MYO1F: variants seen among roughly 807,000 people sequenced by gnomAD.
The protein encoded by MYO1F is myosin IF.
Under a neutral mutation model 146.6 loss-of-function variants are expected in MYO1F, and 60 were observed. The ratio of observed to expected loss-of-function variants is 0.41; its 90% CI spans 0.33 to 0.51. MYO1F has a LOEUF of 0.51. Among genes scored for constraint, MYO1F ranks in the 20% least tolerant of loss-of-function variants. The pLI, the probability that MYO1F is intolerant of heterozygous loss-of-function variation, is 0.25. For synonymous variants in MYO1F, 602 were observed against 602.1 expected (o/e 1.00, Z 0.00); for missense variants, 1,274 against 1,534.3 (o/e 0.83, Z 2.83).
intron 19 of MYO1F, among the ~76,000 whole-genome samples, chr19:8,531,920 C>G (rs570258375): frequency 6.6e-6 from 1 of 152,096 alleles, no homozygotes; most frequent in Non-Finnish European, 1.5e-5. Context: ...GAGTTTGAGA[C>G]CAGCCTGGCC....
At chr19:8,559,170 G>A (rs966161038) in intron 1 of MYO1F, among the ~76,000 whole-genome samples, 16 of 151,710 alleles carry the variant, frequency 1.1e-4, no homozygotes, top group Admixed American at 9.2e-4. Context: ...ATGAGCCACC[G>A]CTCCCAGCCC....
rs576829763 is a variant in MYO1F, at chr19:8,548,465, C to G, written c.1102-148G>C. On this transcript the variant is annotated intron_variant, in intron 10 of 27. Transcript: ENST00000644032. ...TCCAGCCCTCTTTAGCTCTGCCCTT[C>G]CTGGCTCTGTGTACAGTCTCCCCAC... 1.2e-5 allele frequency: 9 copies of G among 738,748 alleles called. No individual in the cohort carries two copies. In the African/African-American group the frequency reaches 1.4e-4, roughly 11 times the overall value. 45.8% of individuals were successfully genotyped at this position (738,748 alleles called of 1,614,324 possible).
rs1355534096 is a variant in MYO1F at position 8,559,913 on chromosome 19, G to A, written c.4-4117C>T. On this transcript the variant is annotated intron_variant, in intron 1 of 27. Coordinates refer to ENST00000644032, the MANE Select transcript of MYO1F (RefSeq NM_012335.4). Reference sequence around the variant, plus strand: ...TGCGGTGAGCCCAGATTGTGCCATTGCACTCCAGCCTGGGCAACAAGAGCA... The same window carrying A: ...TGCGGTGAGCCCAGATTGTGCCATTACACTCCAGCCTGGGCAACAAGAGCA... Among the ~76,000 whole-genome samples the A allele has an allele frequency of 7.0e-5, 10 of 143,490 alleles. No homozygotes were observed. In the Admixed American group the frequency reaches 7.4e-4, roughly 11 times the overall value. 94.1% of individuals were successfully genotyped at this position (143,490 alleles called of 152,430 possible). A position where few individuals can be genotyped will look rare whatever the true frequency, so the allele number is the denominator to read the frequency against.
intron 1 of MYO1F, among the ~76,000 whole-genome samples, chr19:8,556,401 G>A (rs942969206): frequency 2.6e-5 from 4 of 151,330 alleles, no homozygotes; most frequent in Non-Finnish European, 5.9e-5. Flanking sequence ...CAGCACTTCG[G>A]GAGGTTGAGG....
chr19:8,545,506 G>A, intron 13 of MYO1F, 144 bp downstream of exon 13: 2 of 756,860 alleles, frequency 2.6e-6, no homozygotes, highest in South Asian at 1.4e-5. Context: ...GGACATTTTG[G>A]TTGTTATCTG....
chr19:8,567,796 C>T (rs1296962738), intron 1 of MYO1F, among the ~76,000 whole-genome samples: 2 of 152,198 alleles, frequency 1.3e-5, no homozygotes, highest in Non-Finnish European at 2.9e-5. Flanking sequence ...CAGAGATCGC[C>T]GGGGTTGCTG....
rs540656874 is a variant in MYO1F, at chr19:8,572,674, G to A, written c.3+4633C>T. 9.9e-5 allele frequency among the ~76,000 whole-genome samples: 15 copies of A among 152,126 alleles called. No homozygotes were observed. In the South Asian group the frequency reaches 3.1e-3, roughly 32 times the overall value. On this transcript the variant is annotated intron_variant, in intron 1 of 27. Coordinates refer to ENST00000644032, the MANE Select transcript of MYO1F (RefSeq NM_012335.4). ...TTCTGGACCCAGCAGCCACTTCACTGGTCTCCCTGCTTTGTGGCTGTATCT... is the reference window on the plus strand; with the variant it reads ...TTCTGGACCCAGCAGCCACTTCACTAGTCTCCCTGCTTTGTGGCTGTATCT...
chr19:8,544,258 G>A (rs776907360), intron 14 of MYO1F, 39 bp downstream of exon 14: 4 of 1,609,848 alleles, frequency 2.5e-6, no homozygotes, highest in Non-Finnish European at 3.4e-6. Flanking sequence ...CTGGGGGTCT[G>A]CGAGGAGGCA....
At position 8,522,457 on chromosome 19, in the gene MYO1F, C is replaced by T. The variant is rs191981941; in HGVS notation, c.3140G>A (p.Arg1047Gln). 14 of 1,614,110 alleles carry T rather than the reference C, an allele frequency of 8.7e-6. No individual in the cohort carries two copies. The highest frequency in any genetic ancestry group is 1.6e-4 in the Middle Eastern group (1 of 6,062). ...PQPRTHGPRC[R>Q]ALYQYVGQDV... ...TTGGCCCACGTACTGGTATAGGGCC[C>T]GGCACCTGGGACCATGTGTCCGAGG... Residue 1047 changes from arginine (R) to glutamine (Q), a missense_variant, in exon 27 of 28, where the codon CGG (arginine) becomes CAG (glutamine). Transcript: ENST00000644032.
rs532470178 is a variant in MYO1F at position 8,540,711 on chromosome 19, C to CAAAA, written c.1611-684_1611-683insTTTT. Among the ~76,000 whole-genome samples, 552 of 142,830 alleles carry CAAAA rather than the reference C, an allele frequency of 3.9e-3. 3 individuals carry two copies. The highest frequency in any genetic ancestry group is 6.1e-3 in the South Asian group (28 of 4,566). The allele number at this position is 142,830 out of a possible 152,430, so 93.7% of individuals were successfully genotyped here. A position where few individuals can be genotyped will look rare whatever the true frequency, so the allele number is the denominator to read the frequency against. On this transcript the variant is annotated intron_variant, in intron 15 of 27. Transcript: ENST00000644032. ...GGCGGCAGGGTGAGAGACACTGTCT[C>CAAAA]CAAAAAAAAAAAAAAAAAATCGGAT...
At chr19:8,543,435 A>G (rs1167122708) in intron 14 of MYO1F, among the ~76,000 whole-genome samples, 5 of 150,898 alleles carry the variant, frequency 3.3e-5, no homozygotes, top group African/African-American at 1.2e-4. Flanking sequence ...TCCTCTCCAA[A>G]TTGGGATCAG....
Position 8,526,896 on chromosome 19 carries a change from G to T in MYO1F, c.2514C>A (p.Ala838=). The part of the protein sequence containing the change: ...QDDFFILQED[A]ADSFLESVFK... ...AGACGCTCTCCAGGAAGCTGTCGGC[G>T]GCATCCTCTTGGAGGATGAAGAAGT... The change falls in exon 23 of 28, where the codon GCC becomes GCA. Residue 838 remains alanine, a synonymous_variant. Coordinates refer to ENST00000644032, the MANE Select transcript of MYO1F (RefSeq NM_012335.4). 6.2e-7 allele frequency: 1 copy of T among 1,614,032 alleles called. No homozygotes were observed. Among genetic ancestry groups the T allele is most frequent in the South Asian group, 1.1e-5 (1 of 91,084 alleles).
intron 9 of MYO1F, 39 bp from the exon 10 acceptor site, chr19:8,550,395 G>C (rs1401036805): frequency 6.3e-7 from 1 of 1,594,204 alleles, no homozygotes; most frequent in African/African-American, 1.3e-5. Context: ...GGGACAGTTG[G>C]TTGGGCTCTT....
rs55920976 is a variant in MYO1F, at chr19:8,522,534, C to T, written c.3063G>A (p.Lys1021=). ...PDQGMAGMQR[K]RSVGQRPVPG... is the part of the protein sequence containing the mutation. ...GCACTGGCCGTTGCCCCACGCTGCGCTTCCTCTGCATGCTGTGGGCACAGG... is the reference window on the plus strand; with the variant it reads ...GCACTGGCCGTTGCCCCACGCTGCGTTTCCTCTGCATGCTGTGGGCACAGG... Residue 1021 remains lysine (K), a synonymous_variant, in exon 27 of 28, where the codon AAG becomes AAA. Coordinates refer to ENST00000644032, the MANE Select transcript of MYO1F (RefSeq NM_012335.4). 1 of 1,612,702 alleles carries T rather than the reference C, an allele frequency of 6.2e-7. No homozygotes were observed. Among genetic ancestry groups the T allele is most frequent in the East Asian group, 2.2e-5 (1 of 44,828 alleles).
intron 16 of MYO1F, among the ~76,000 whole-genome samples, chr19:8,538,684 C>A (rs1455890478): frequency 1.3e-5 from 2 of 149,108 alleles, no homozygotes; most frequent in Admixed American, 1.3e-4. Flanking sequence ...ACCTCCTGGG[C>A]TCAAATGATC....
Position 8,553,248 on chromosome 19 carries a change from AG to A in MYO1F, c.415-21del. 6.2e-7 allele frequency: 1 copy of A among 1,613,692 alleles called. No individual in the cohort carries two copies. The highest frequency in any genetic ancestry group is 8.5e-7 in the Non-Finnish European group (1 of 1,179,662). On this transcript the variant is annotated intron_variant, in intron 5 of 27. Coordinates refer to ENST00000644032, the MANE Select transcript of MYO1F (RefSeq NM_012335.4). Reference sequence around the variant, plus strand: ...GACGTGCTGGGGCAGAGGCAGGTGGAGTGGGAAGAAGTCAGACTGAGGCAGG... The same window carrying A: ...GACGTGCTGGGGCAGAGGCAGGTGGATGGGAAGAAGTCAGACTGAGGCAGG...
chr19:8,525,292 T>TATCA, intron 25 of MYO1F, 187 bp downstream of exon 25: 2 of 589,334 alleles, frequency 3.4e-6, no homozygotes, highest in Non-Finnish European at 6.0e-6. Flanking sequence ...GGGTTTGGGT[T>TATCA]TTGAAGGGCT....
intron 10 of MYO1F, chr19:8,549,686 G>C (rs1460495572): frequency 5.6e-6 from 1 of 178,578 alleles, no homozygotes; most frequent in African/African-American, 2.4e-5. Flanking sequence ...GTAATTTTTA[G>C]TAGAGAGGGG....
In MYO1F at chr19:8,526,788, C is replaced by T. The variant is rs1162691014; in HGVS notation, c.2621+1G>A. On this transcript the variant is annotated splice_donor_variant, in intron 23 of 27. Coordinates refer to ENST00000644032, the MANE Select transcript of MYO1F (RefSeq NM_012335.4). LOFTEE classifies it high-confidence loss of function. ...TGGTGCTGGGGTTGGCGGGGCCGTACGTGTCGCTGAAGGTGAGGGGCAGGG... is the reference window on the plus strand; with the variant it reads ...TGGTGCTGGGGTTGGCGGGGCCGTATGTGTCGCTGAAGGTGAGGGGCAGGG... 2 of 1,608,146 alleles carry T rather than the reference C, an allele frequency of 1.2e-6. No homozygotes were observed. The highest frequency in any genetic ancestry group is 2.2e-5 in the South Asian group (2 of 90,518).
Sources: gnomAD v4.1 joint callset for allele counts (sites outside exome capture counted in the v4.1 genomes callset) on GRCh38, gnomAD v4.1.1 for gene constraint, MANE v1.5 for transcripts, NCBI Gene and HGNC (gene_info 2026-07-23, HGNC 2026-07-21) for gene names.